The following TRIM64B variants were observed in gnomAD, a reference collection of about 807,000 sequenced individuals.
The protein encoded by TRIM64B is tripartite motif-containing protein 64B.
For missense variants in TRIM64B, 57 were observed against 536.4 expected (o/e 0.11, Z 8.83); for synonymous variants, 17 against 190.3 (o/e 0.09, Z 7.50).
chr11:89,872,215 C>G lies in TRIM64B; in HGVS notation c.856G>C (p.Val286Leu), dbSNP rs1177116114. 5 of 1,508,776 alleles carry G rather than the reference C, an allele frequency of 3.3e-6. No homozygotes were observed. In the African/African-American group the frequency reaches 7.0e-5, roughly 21 times the overall value. 93.5% of individuals were successfully genotyped at this position (1,508,776 alleles called of 1,614,324 possible). The change falls in exon 5 of 6, where the codon GTG becomes CTG. Residue 286 changes from valine to leucine, a missense_variant and splice_region_variant. Coordinates refer to ENST00000329862, the Ensembl canonical transcript of TRIM64B. ...GGAATGCCAAGCAGCTGGCTCTTAC[C>G]TCTGAAGTTGTTGAGCATGTCTAGG...
At chr11:89,873,863 G>A (rs1220568185) in intron 3 of TRIM64B, among the ~76,000 whole-genome samples, 186 bp downstream of exon 4, 4 of 133,632 alleles carry the variant, frequency 3.0e-5, no homozygotes, top group Non-Finnish European at 6.4e-5. Context: ...CTGCTAAAAT[G>A]GCAAAAATTT....
chr11:89,872,696 AC>A (rs1304166957), intron 4 of TRIM64B, among the ~76,000 whole-genome samples: 6 of 151,804 alleles, frequency 4.0e-5, no homozygotes, highest in Admixed American at 1.3e-4. Flanking sequence ...TCAGTGTCTA[AC>A]AGAGAATGTT....
At chr11:89,877,902 T>C (rs1425454369), upstream of TRIM64B, among the ~76,000 whole-genome samples, 2 of 149,268 alleles carry the variant, frequency 1.3e-5, no homozygotes, top group Non-Finnish European at 1.5e-5. Flanking sequence ...GCTGCAAACA[T>C]GAGCCATCAT....
chr11:89,875,728 T>A (rs1950156956), exon 1 of TRIM64B: 1 of 1,490,290 alleles, frequency 6.7e-7, no homozygotes, highest in African/African-American at 1.5e-5. Flanking sequence ...CTCCTTAGTC[T>A]CCTCATGGAG....
chr11:89,875,227 A>G (rs1472022465), intron 1 of TRIM64B, among the ~76,000 whole-genome samples, 154 bp from the exon 3 acceptor site: 1 of 152,266 alleles, frequency 6.6e-6, no homozygotes, highest in African/African-American at 2.4e-5. Flanking sequence ...TGGTTCTAAT[A>G]ATTTGGATGT....
exon 1 of TRIM64B, chr11:89,876,006 G>A (rs200520517): frequency 4.9e-5 from 72 of 1,482,362 alleles, no homozygotes; most frequent in Non-Finnish European, 5.5e-5. Context: ...CTTGCAGGTC[G>A]TCTGAATCCA....
upstream of TRIM64B, among the ~76,000 whole-genome samples, chr11:89,877,546 C>A (rs1299018327): frequency 7.5e-5 from 11 of 147,634 alleles, no homozygotes; most frequent in Non-Finnish European, 1.5e-4. Flanking sequence ...GTTGCAGCTT[C>A]TTGGGAGCCC....
Position 89,872,479 on chromosome 11 carries a change from T to C in TRIM64B, c.759-167A>G, listed in dbSNP as rs541031073. ...CTAGGGGCAATAAGGATGTTACTTT[T>C]TCTAAACTTTGCTTCCATAAAAACC... On this transcript the variant is annotated intron_variant, in intron 4 of 5. Transcript: ENST00000329862. Among the ~76,000 whole-genome samples, 929 of 151,828 alleles carry C rather than the reference T, an allele frequency of 6.1e-3. 40 individuals are homozygous for C. The highest frequency in any genetic ancestry group is 0.021 in the African/African-American group (882 of 41,058).
At chr11:89,877,908 A>G (rs1288195651), upstream of TRIM64B, among the ~76,000 whole-genome samples, 2 of 149,256 alleles carry the variant, frequency 1.3e-5, no homozygotes, top group African/African-American at 4.8e-5. Context: ...AACATGAGCC[A>G]TCATGCCCAG....
chr11:89,876,322 C>T (rs1425458953), upstream of TRIM64B, among the ~76,000 whole-genome samples: 1 of 145,232 alleles, frequency 6.9e-6, no homozygotes, highest in African/African-American at 2.5e-5. Flanking sequence ...TAAACCTATC[C>T]TCCTGAATAC....
At chr11:89,873,872 T>G (rs1950136560) in intron 3 of TRIM64B, among the ~76,000 whole-genome samples, 177 bp downstream of exon 4, 2 of 133,644 alleles carry the variant, frequency 1.5e-5, no homozygotes, top group African/African-American at 2.9e-5. Flanking sequence ...TGGCAAAAAT[T>G]TCCCAAAGAT....
intron 5 of TRIM64B, 120 bp from the exon 7 acceptor site, chr11:89,871,234 G>C (rs1251054415): frequency 1.4e-6 from 2 of 1,459,420 alleles, no homozygotes; most frequent in East Asian, 5.0e-5. Context: ...GCCAAGAGGG[G>C]TCAGCCCCAT....
exon 1 of TRIM64B, chr11:89,875,829 G>C: frequency 6.5e-7 from 1 of 1,549,912 alleles, no homozygotes; most frequent in Non-Finnish European, 8.7e-7. Flanking sequence ...TGGTGTTGAA[G>C]TTGGGCTTCT....
upstream of TRIM64B, among the ~76,000 whole-genome samples, chr11:89,877,551 G>T (rs1398903380): frequency 6.8e-6 from 1 of 147,988 alleles, no homozygotes; most frequent in Non-Finnish European, 1.5e-5. Flanking sequence ...AGCTTCTTGG[G>T]AGCCCTTGCC....
intron 4 of TRIM64B, among the ~76,000 whole-genome samples, chr11:89,872,919 TGTC>T (rs1428164319): frequency 1.4e-5 from 2 of 142,656 alleles, no homozygotes; most frequent in Non-Finnish European, 3.0e-5. Context: ...CTCCTCCCTC[TGTC>T]TTTTTTTTTT....
At chr11:89,873,736 G>A (rs1449885786) in intron 3 of TRIM64B, among the ~76,000 whole-genome samples, 2 of 83,498 alleles carry the variant, frequency 2.4e-5, no homozygotes, top group Non-Finnish European at 4.7e-5. Context: ...AGGAACTGGG[G>A]CATATAAATG....
intron 2 of TRIM64B, 74 bp from the exon 4 acceptor site, chr11:89,874,353 G>C: frequency 1.2e-6 from 1 of 828,332 alleles, no homozygotes; most frequent in Non-Finnish European, 1.8e-6. Context: ...TATATGCTGG[G>C]TGTAATCAAG....
chr11:89,875,246 A>G (rs1445685658), intron 1 of TRIM64B, among the ~76,000 whole-genome samples, 173 bp from the exon 3 acceptor site: 5 of 152,246 alleles, frequency 3.3e-5, no homozygotes, highest in African/African-American at 7.2e-5. Context: ...GTGAAAAGTG[A>G]TAGAAACATA....
At chr11:89,876,480 CG>C (rs1360111898), upstream of TRIM64B, among the ~76,000 whole-genome samples, 2 of 149,584 alleles carry the variant, frequency 1.3e-5, no homozygotes, top group East Asian at 4.0e-4. Context: ...CCCAGCACTT[CG>C]GGAGGCCGAG....
Sources: allele counts gnomAD v4.1 joint callset (sites outside exome capture counted in the v4.1 genomes callset), GRCh38; gene constraint gnomAD v4.1.1; transcripts MANE v1.5; gene names NCBI Gene and HGNC (gene_info 2026-07-23, HGNC 2026-07-21).